LARP1B: variants seen among roughly 807,000 people sequenced by gnomAD.
LARP1B encodes the protein La ribonucleoprotein 1B.
Under a neutral mutation model 114.2 loss-of-function variants are expected in LARP1B, and 76 were observed. The ratio of observed to expected loss-of-function variants is 0.67; its 90% confidence interval spans 0.55 to 0.81. The LOEUF is 0.81. Among genes scored for constraint, LARP1B ranks in the 30% least tolerant of loss-of-function variants. The probability of loss-of-function intolerance (pLI) is 0.00; values close to 1 mark genes in which losing one functional copy is unlikely to be tolerated. For synonymous variants in LARP1B, 345 were observed against 348.0 expected (o/e 0.99, Z 0.10); for missense variants, 1,014 against 1,075.8 (o/e 0.94, Z 0.80).
chr4:128,123,101 C>T lies in LARP1B; in HGVS notation c.1524+913C>T, dbSNP rs891098526. 36 of 985,346 alleles carry T rather than the reference C, an allele frequency of 3.7e-5. 1 individual carries two copies. The highest frequency in any genetic ancestry group is 5.2e-4 in the Middle Eastern group (1 of 1,914). The allele number at this position is 985,346 out of a possible 1,614,324, so 61.0% of individuals were successfully genotyped here. On this transcript the variant is annotated intron_variant, in intron 11 of 19. Transcript: ENST00000326639. ...TGGCTGAGTAGAGGGGACTGCCTGT[C>T]GGTGGGGCTTCATATCATCAACAAG...
At chr4:128,089,176 C>T (rs754975166) in intron 5 of LARP1B, among the ~76,000 whole-genome samples, 1 of 152,042 alleles carries the variant, frequency 6.6e-6, no homozygotes, top group Non-Finnish European at 1.5e-5. Flanking sequence ...TGATGCCAAA[C>T]ATCCTGTAGT....
At chr4:128,144,090 A>G (rs1424328467) in intron 11 of LARP1B, among the ~76,000 whole-genome samples, 5 of 152,178 alleles carry the variant, frequency 3.3e-5, no homozygotes, top group Non-Finnish European at 7.4e-5. Flanking sequence ...GTCTCTACCC[A>G]CAAGATGCCA....
chr4:128,206,349 T>C, intron 17 of LARP1B, 79 bp from the exon 18 acceptor site: 2 of 747,688 alleles, frequency 2.7e-6, no homozygotes, highest in Non-Finnish European at 4.2e-6. Context: ...GGATTAGTTG[T>C]GCCATGTTTG....
intron 9 of LARP1B, 76 bp from the exon 10 acceptor site, chr4:128,114,494 A>G: frequency 9.1e-7 from 1 of 1,093,716 alleles, no homozygotes; most frequent in Non-Finnish European, 1.3e-6. Context: ...GCCCCAGTTA[A>G]GGAAAAAATG....
chr4:128,077,785 C>A lies in LARP1B; in HGVS notation c.43-3C>A. 1.3e-6 allele frequency: 2 copies of A among 1,527,134 alleles called. No individual in the cohort carries two copies. Among genetic ancestry groups the A allele is most frequent in the South Asian group, 1.3e-5 (1 of 74,318 alleles). 94.6% of individuals were successfully genotyped at this position (1,527,134 alleles called of 1,614,324 possible). A position where few individuals can be genotyped will look rare whatever the true frequency, so the allele number is the denominator to read the frequency against. On this transcript the variant is annotated splice_polypyrimidine_tract_variant and splice_region_variant and intron_variant, in intron 3 of 19. Transcript: ENST00000326639. Reference sequence around the variant, plus strand: ...TCATTTCATTCTGAAAACCTTTTTGCAGTTTCAGAGCGTCCTCAGCCAAGG... The same window carrying A: ...TCATTTCATTCTGAAAACCTTTTTGAAGTTTCAGAGCGTCCTCAGCCAAGG...
rs112997509 is a variant in LARP1B at position 128,186,837 on chromosome 4, G to A, written c.2003+7325G>A. On this transcript the variant is annotated intron_variant, in intron 15 of 19. Transcript: ENST00000326639. ...AGAATGGGGCCCTGTGCAACCTTGG[G>A]AAACTGCTCCCTGCATTCCAGCTGC... Among the ~76,000 whole-genome samples the A allele has an allele frequency of 3.9e-3, 601 of 152,304 alleles. 4 individuals are homozygous for A. Among genetic ancestry groups the A allele is most frequent in the Middle Eastern group, 0.02 (6 of 294 alleles).
intron 15 of LARP1B, among the ~76,000 whole-genome samples, chr4:128,189,949 G>T (rs775469079): frequency 2.5e-4 from 38 of 152,146 alleles, no homozygotes; most frequent in Non-Finnish European, 4.6e-4. Flanking sequence ...TCATATTAGA[G>T]ATATGAATGG....
At chr4:128,167,596 C>A (rs770667850) in intron 12 of LARP1B, among the ~76,000 whole-genome samples, 5 of 151,806 alleles carry the variant, frequency 3.3e-5, no homozygotes, top group Non-Finnish European at 7.4e-5. Context: ...TTTATTTTTG[C>A]TTTTGTTGCC....
At chr4:128,127,927 G>A (rs1017805333) in intron 11 of LARP1B, among the ~76,000 whole-genome samples, 4 of 152,164 alleles carry the variant, frequency 2.6e-5, no homozygotes, top group Admixed American at 2.6e-4. Flanking sequence ...CTGTCATAAG[G>A]ATGAACATAT....
intron 12 of LARP1B, among the ~76,000 whole-genome samples, chr4:128,175,177 T>C (rs1456876620): frequency 6.6e-6 from 1 of 152,136 alleles, no homozygotes; most frequent in Admixed American, 6.5e-5. Context: ...CATGTATTAT[T>C]AATGAAGTAT....
In LARP1B at chr4:128,075,222, C is replaced by T. The variant is rs143466442; in HGVS notation, c.42+229C>T. Among the ~76,000 whole-genome samples, 101 of 151,400 alleles carry T rather than the reference C, an allele frequency of 6.7e-4. 1 individual carries two copies. Among genetic ancestry groups the T allele is most frequent in the African/African-American group, 2.2e-3 (91 of 41,256 alleles). On this transcript the variant is annotated intron_variant, in intron 3 of 19. Transcript: ENST00000326639. ...GCTCAGGTGATCTTCCTACCTCGAC[C>T]TCCAGAGTAGCTGGGACTACAGGCA...
At chr4:128,182,111 C>CCT (rs1748706190) in intron 15 of LARP1B, among the ~76,000 whole-genome samples, 1 of 113,188 alleles carries the variant, frequency 8.8e-6, no homozygotes, top group Non-Finnish European at 1.8e-5. Context: ...TGCACCCGGC[C>CCT]TTTTTTTTTT....
chr4:128,154,388 A>G (rs1734431774), intron 11 of LARP1B, among the ~76,000 whole-genome samples: 1 of 152,104 alleles, frequency 6.6e-6, no homozygotes, highest in African/African-American at 2.4e-5. Flanking sequence ...AAATATGATT[A>G]TTTCTCTGTT....
chr4:128,115,800 G>A (rs990061310), intron 10 of LARP1B, among the ~76,000 whole-genome samples: 4 of 152,096 alleles, frequency 2.6e-5, no homozygotes, highest in African/African-American at 9.7e-5. Flanking sequence ...GGATTACAGG[G>A]TCACTCCACC....
At chr4:128,111,947 C>A (rs1433099361) in intron 9 of LARP1B, among the ~76,000 whole-genome samples, 45 of 151,842 alleles carry the variant, frequency 3.0e-4, no homozygotes, top group Admixed American at 2.9e-3. Flanking sequence ...GCCTCGGCCT[C>A]CCAAAGTGCT....
At chr4:128,061,954 GC>G (rs1297642977) in intron 1 of LARP1B, 24 of 985,188 alleles carry the variant, frequency 2.4e-5, no homozygotes, top group Non-Finnish European at 2.9e-5. Context: ...CCCTGGCGCT[GC>G]ACCTGGCGCA....
Position 128,194,565 on chromosome 4 carries a change from C to A in LARP1B, c.2004-4874C>A, listed in dbSNP as rs889977797. On this transcript the variant is annotated intron_variant, in intron 15 of 19. Transcript: ENST00000326639. ...GGGCATGGTGGCGGGCGCCTGTAGTCCCAGCTACTCGGGAGGCTGAGGCAG... is the reference window on the plus strand; with the variant it reads ...GGGCATGGTGGCGGGCGCCTGTAGTACCAGCTACTCGGGAGGCTGAGGCAG... Among the ~76,000 whole-genome samples, 4 of 151,306 alleles carry A rather than the reference C, an allele frequency of 2.6e-5. No individual in the cohort carries two copies. The East Asian group carries it at 6.0e-4, about 23-fold the overall frequency.
chr4:128,124,124 G>GC (rs1264693858), intron 11 of LARP1B, among the ~76,000 whole-genome samples: 1 of 152,178 alleles, frequency 6.6e-6, no homozygotes, highest in Non-Finnish European at 1.5e-5. Flanking sequence ...CTTACTATGT[G>GC]CCAGACACTG....
chr4:128,091,175 G>T, intron 6 of LARP1B, 31 bp downstream of exon 6: 1 of 1,598,408 alleles, frequency 6.3e-7, no homozygotes, highest in Non-Finnish European at 8.5e-7. Flanking sequence ...CGTTAAATTA[G>T]ATAAACTTTG....
Sources: gnomAD v4.1 joint callset for allele counts (sites outside exome capture counted in the v4.1 genomes callset) on GRCh38, gnomAD v4.1.1 for gene constraint, MANE v1.5 for transcripts, NCBI Gene and HGNC (gene_info 2026-07-23, HGNC 2026-07-21) for gene names.